Variants in MYCBPAP observed in about 807,000 individuals in gnomAD.
MYCBPAP encodes the protein MYCBP associated protein, also known as MYCBP-associated protein.
A neutral mutation model predicts 106.1 loss-of-function variants in MYCBPAP; 60 were observed. The observed-to-expected ratio is 0.57, with a 90% CI of 0.46 to 0.70. The LOEUF (loss-of-function observed/expected upper bound fraction) is 0.70, where lower values mean the gene tolerates loss of function less well. Among genes scored for constraint, MYCBPAP ranks in the 30% least tolerant of loss-of-function variants. The probability of loss-of-function intolerance (pLI) is 0.00; values close to 1 mark genes in which losing one functional copy is unlikely to be tolerated. For missense variants in MYCBPAP, 1,064 were observed against 1,169.3 expected (o/e 0.91, Z 1.31); for synonymous variants, 407 against 440.6 (o/e 0.92, Z 0.95).
chr17:50,524,416 T>C (rs1286988471), intron 12 of MYCBPAP, among the ~76,000 whole-genome samples: 1 of 152,160 alleles, frequency 6.6e-6, no homozygotes, highest in African/African-American at 2.4e-5. Flanking sequence ...ATTTTGACAA[T>C]GTCATGCTTG....
chr17:50,518,408 C>T (rs1444126107), intron 4 of MYCBPAP, 133 bp from the exon 5 acceptor site: 3 of 696,832 alleles, frequency 4.3e-6, no homozygotes, highest in Admixed American at 2.9e-5. Context: ...TCACTGGCTA[C>T]TCTGGAGTCC....
chr17:50,508,880 G>A, intron 1 of MYCBPAP, 130 bp downstream of exon 1: 1 of 886,740 alleles, frequency 1.1e-6, no homozygotes, highest in Non-Finnish European at 1.8e-6. Flanking sequence ...GGGGAAGTGG[G>A]GTACTGGGCA....
chr17:50,522,343 G>C (rs1056690687), intron 10 of MYCBPAP: 10 of 328,822 alleles, frequency 3.0e-5, no homozygotes, highest in Non-Finnish European at 5.3e-5. Flanking sequence ...ATGGCTCTAA[G>C]AAGGTTCCAA....
chr17:50,529,595 T>C (rs996003821), intron 18 of MYCBPAP, among the ~76,000 whole-genome samples: 1 of 152,154 alleles, frequency 6.6e-6, no homozygotes, highest in Admixed American at 6.5e-5. Context: ...TTGCAGGCTA[T>C]TGTGAAGACT....
Position 50,516,650 on chromosome 17 carries a change from G to A in MYCBPAP, c.157G>A (p.Gly53Arg). 1.2e-6 allele frequency: 2 copies of A among 1,614,142 alleles called. No individual in the cohort carries two copies. Among genetic ancestry groups the A allele is most frequent in the Non-Finnish European group, 1.7e-6 (2 of 1,180,002 alleles). Residue 53 changes from glycine (G) to arginine (R), a missense_variant, in exon 2 of 19, where the codon GGA (glycine) becomes AGA (arginine). Gly to Arg is a moderately radical substitution (Grantham distance 125). Coordinates refer to ENST00000323776, the MANE Select transcript of MYCBPAP (RefSeq NM_032133.6). Reference sequence around the variant, plus strand: ...TGAACCTGTTAGCAATGTCCTACAAGGAGATGACATTCTTGCCTTGGCCAT... The same window carrying A: ...TGAACCTGTTAGCAATGTCCTACAAAGAGATGACATTCTTGCCTTGGCCAT... The part of the protein sequence containing the change: ...EPEPVSNVLQ[G>R]DDILALAIKK...
Position 50,519,652 on chromosome 17 carries a change from A to G in MYCBPAP, c.781A>G (p.Ser261Gly). 6.2e-7 allele frequency: 1 copy of G among 1,614,082 alleles called. No individual in the cohort carries two copies. The highest frequency in any genetic ancestry group is 2.2e-5 in the East Asian group (1 of 44,882). Residue 261 changes from serine (S) to glycine (G), a missense_variant, in exon 7 of 19, where the codon AGT becomes GGT. Coordinates refer to ENST00000323776, the MANE Select transcript of MYCBPAP (RefSeq NM_032133.6). The part of the protein sequence containing the change: ...TRRDRKSWEN[S>G]GFWSRLEYLG... ...CCTTCCTTGCCAGAGCTGGGAGAAC[A>G]GTGGGTTCTGGAGTCGACTGGAATA...
chr17:50,529,675 C>T (rs191310306), intron 18 of MYCBPAP: 1 of 450,888 alleles, frequency 2.2e-6, no homozygotes, highest in Non-Finnish European at 4.5e-6. Context: ...GTCTGATAGG[C>T]TTTAGAAGGT....
rs10526790 is a variant in MYCBPAP, at chr17:50,530,497, C to CAAAAAAAAA, written c.2725-829_2725-821dup. Among the ~76,000 whole-genome samples the CAAAAAAAAA allele has an allele frequency of 4.6e-4, 49 of 105,904 alleles. 10 individuals carry two copies. The highest frequency in any genetic ancestry group is 6.6e-4 in the Non-Finnish European group (36 of 54,330). The allele number at this position is 105,904 out of a possible 152,430, so 69.5% of individuals were successfully genotyped here. Reference sequence around the variant, plus strand: ...GTGACAAGAGTGAGACTCTTACCTCCAAAAAAAAAGAATCAACTTGCTGGC... The same window carrying CAAAAAAAAA: ...GTGACAAGAGTGAGACTCTTACCTCCAAAAAAAAAAAAAAAAAAGAATCAACTTGCTGGC... On this transcript the variant is annotated intron_variant, in intron 18 of 18. Transcript: ENST00000323776.
chr17:50,521,233 T>G lies in MYCBPAP; in HGVS notation c.1032+8T>G. The stretch of plus-strand genomic sequence containing the variant: ...CTGGATTTCAGCCAGCAGGTTGGTA[T>G]GGCCTCCATGCCCCAGTCAGAAGCC... On this transcript the variant is annotated splice_region_variant and intron_variant, in intron 8 of 18. Coordinates refer to ENST00000323776, the MANE Select transcript of MYCBPAP (RefSeq NM_032133.6). 1 of 1,607,996 alleles carries G rather than the reference T, an allele frequency of 6.2e-7. No homozygotes were observed. Among genetic ancestry groups the G allele is most frequent in the Non-Finnish European group, 8.5e-7 (1 of 1,177,074 alleles).
intron 18 of MYCBPAP, 121 bp from the exon 19 acceptor site, chr17:50,531,206 G>A: frequency 3.2e-6 from 2 of 633,604 alleles, no homozygotes; most frequent in Non-Finnish European, 5.1e-6. Context: ...TTGAACTTGT[G>A]AAATTCTTTC....
rs762205714 is a variant in MYCBPAP, at chr17:50,518,525, A to G, written c.469-16A>G. 2 of 1,555,284 alleles carry G rather than the reference A, an allele frequency of 1.3e-6. No individual in the cohort carries two copies. The highest frequency in any genetic ancestry group is 1.3e-5 in the South Asian group (1 of 79,624). ...CCTTCTTACTGCCCTCCACATACCTATGTTGTACTTTTCAGCTGGCTGAGC... is the reference window on the plus strand; with the variant it reads ...CCTTCTTACTGCCCTCCACATACCTGTGTTGTACTTTTCAGCTGGCTGAGC... On this transcript the variant is annotated splice_polypyrimidine_tract_variant and intron_variant, in intron 4 of 18. Transcript: ENST00000323776.
At position 50,521,140 on chromosome 17, in the gene MYCBPAP, G is replaced by T; in HGVS notation, c.947G>T (p.Arg316Leu). Reference protein sequence around the residue: ...GLPAQRDASYRYTWDRSLFLI... With the variant: ...GLPAQRDASYLYTWDRSLFLI... ...CCAGCCCAGAGGGACGCTTCATACC[G>T]CTACACCTGGGATCGGAGTCTGTTT... The change falls in exon 8 of 19, where the codon CGC becomes CTC. Residue 316 changes from arginine (R) to leucine (L), a missense_variant. By Grantham distance (102) the Arg-to-Leu change is moderately radical. Transcript: ENST00000323776. 1 of 1,613,412 alleles carries T rather than the reference G, an allele frequency of 6.2e-7. No homozygotes were observed. The highest frequency in any genetic ancestry group is 8.5e-7 in the Non-Finnish European group (1 of 1,179,858).
intron 1 of MYCBPAP, among the ~76,000 whole-genome samples, chr17:50,515,215 A>C (rs1476153365): frequency 6.2e-4 from 83 of 134,224 alleles, no homozygotes; most frequent in African/African-American, 1.5e-3. Flanking sequence ...TGACTCCCCC[A>C]CCTCCCACGC....
chr17:50,515,156 CCAGCTTCTT>C (rs1187797382), intron 1 of MYCBPAP, among the ~76,000 whole-genome samples: 2 of 152,130 alleles, frequency 1.3e-5, no homozygotes, highest in African/African-American at 4.8e-5. Flanking sequence ...TTTCCTTTCT[CCAGCTTCTT>C]CAGCTCTATT....
intron 1 of MYCBPAP, chr17:50,510,491 GTGTGTGTGTATATATATATATATA>G (rs1204021912): frequency 3.3e-4 from 37 of 113,822 alleles, no homozygotes; most frequent in African/African-American, 1.1e-3. Flanking sequence ...GTGTGTGTGT[GTGTGTGTGTATATATATATATATA>G]TATATATATA....
chr17:50,528,597 C>G, intron 16 of MYCBPAP, 98 bp from the exon 17 acceptor site: 1 of 1,495,326 alleles, frequency 6.7e-7, no homozygotes, highest in Non-Finnish European at 9.0e-7. Context: ...GGCTATTGCC[C>G]TTTGCTTTTC....
intron 18 of MYCBPAP, chr17:50,529,636 C>G: frequency 2.4e-6 from 1 of 418,166 alleles, no homozygotes; most frequent in Admixed American, 2.7e-5. Flanking sequence ...TGAGAAGTCA[C>G]GCAAGGTTTT....
chr17:50,511,674 C>T (rs1023630330), intron 1 of MYCBPAP, among the ~76,000 whole-genome samples: 1 of 152,182 alleles, frequency 6.6e-6, no homozygotes, highest in African/African-American at 2.4e-5. Flanking sequence ...TTTTACCCCT[C>T]ACTGTCAGCA....
chr17:50,524,544 T>C (rs2034385944), intron 12 of MYCBPAP, among the ~76,000 whole-genome samples: 1 of 152,194 alleles, frequency 6.6e-6, no homozygotes, highest in Non-Finnish European at 1.5e-5. Flanking sequence ...CCCCACTATG[T>C]GCCCTGCCCC....
Sources: gnomAD v4.1 joint callset for allele counts (sites outside exome capture counted in the v4.1 genomes callset) on GRCh38, gnomAD v4.1.1 for gene constraint, MANE v1.5 for transcripts, NCBI Gene and HGNC (gene_info 2026-07-23, HGNC 2026-07-21) for gene names.